Variants in ZNG1F observed in about 807,000 individuals in gnomAD.
ZNG1F encodes Zn regulated GTPase metalloprotein activator 1F.
At chr9:41,152,570 C>T in the ZNG1F span, among the ~76,000 whole-genome samples, 2 of 143,296 alleles carry the variant, frequency 1.4e-5, no homozygotes, top group East Asian at 4.1e-4. Context: ...CACCACACCA[C>T]ACCTATTCCA....
chr9:41,148,747 C>T, the ZNG1F span, among the ~76,000 whole-genome samples: 1 of 134,920 alleles, frequency 7.4e-6, no homozygotes, highest in Non-Finnish European at 1.6e-5. Flanking sequence ...TTTAATTTTT[C>T]CAATTCATAA....
At chr9:41,165,047 C>T in the ZNG1F span, 3 of 1,580,400 alleles carry the variant, frequency 1.9e-6, no homozygotes, top group East Asian at 2.3e-5. Flanking sequence ...GGGACCAAGT[C>T]TGTTTTATTA....
At chr9:41,156,219 C>G in the ZNG1F span, among the ~76,000 whole-genome samples, 4,019 of 112,290 alleles carry the variant, frequency 0.036, 229 homozygotes, top group Admixed American at 0.047. Flanking sequence ...TCCAAACAAC[C>G]AATTAGTAAA....
the ZNG1F span, among the ~76,000 whole-genome samples, chr9:41,183,910 C>A: frequency 6.8e-6 from 1 of 147,590 alleles, no homozygotes; most frequent in African/African-American, 2.5e-5. Context: ...AACATACCTA[C>A]TTCCTCCTTA....
chr9:41,154,547 G>C, the ZNG1F span, among the ~76,000 whole-genome samples: 1,322 of 138,414 alleles, frequency 9.6e-3, 38 homozygotes, highest in African/African-American at 0.031. Context: ...GCATCGCCAA[G>C]TCAATCCTAA....
chr9:41,166,467 T>C, the ZNG1F span, among the ~76,000 whole-genome samples: 3 of 134,432 alleles, frequency 2.2e-5, no homozygotes, highest in African/African-American at 6.2e-5. Context: ...TATATATATA[T>C]ATATATAAAA....
the ZNG1F span, among the ~76,000 whole-genome samples, chr9:41,162,109 TATC>T: frequency 1.6e-4 from 1 of 6,352 alleles, no homozygotes; most frequent in African/African-American, 5.5e-4. Flanking sequence ...TACACAGTGT[TATC>T]ATGGCTTTGT....
chr9:41,194,070 TC>T, the ZNG1F span, among the ~76,000 whole-genome samples: 5 of 127,790 alleles, frequency 3.9e-5, no homozygotes, highest in African/African-American at 2.9e-5. Context: ...TTAATCATCC[TC>T]TCAAAATTGA....
At chr9:41,203,076 T>A in the ZNG1F span, among the ~76,000 whole-genome samples, 1 of 152,252 alleles carries the variant, frequency 6.6e-6, no homozygotes, top group African/African-American at 2.4e-5. Flanking sequence ...AGGTTATATA[T>A]TTTTGGCAGG....
the ZNG1F span, among the ~76,000 whole-genome samples, chr9:41,169,611 T>A: frequency 7.2e-5 from 11 of 151,766 alleles, no homozygotes; most frequent in African/African-American, 2.4e-4. Context: ...GAGATGTTGG[T>A]CAAAGAATAC....
At chr9:41,138,036 G>GT in the ZNG1F span, among the ~76,000 whole-genome samples, 5 of 78,290 alleles carry the variant, frequency 6.4e-5, 1 homozygote, top group East Asian at 3.7e-4. Flanking sequence ...TGTATACCTT[G>GT]TTTTTTTGTT....
At chr9:41,139,864 G>A in the ZNG1F span, among the ~76,000 whole-genome samples, 1 of 151,826 alleles carries the variant, frequency 6.6e-6, no homozygotes, top group African/African-American at 2.4e-5. Flanking sequence ...GCCAGTCACA[G>A]AAGGACAAAT....
At chr9:41,164,674 T>A in the ZNG1F span, 1 of 140,486 alleles carries the variant, frequency 7.1e-6, no homozygotes, top group Non-Finnish European at 1.3e-5. Flanking sequence ...GATGCATCCA[T>A]GGGAAAGTGA....
the ZNG1F span, among the ~76,000 whole-genome samples, chr9:41,144,269 A>G: frequency 5.8e-5 from 2 of 34,436 alleles, 1 homozygote; most frequent in African/African-American, 1.2e-4. Context: ...GTAAGTGAGT[A>G]CTGCGTTTGC....
the ZNG1F span, among the ~76,000 whole-genome samples, chr9:41,183,229 T>TA: frequency 6.1e-5 from 9 of 146,792 alleles, no homozygotes; most frequent in African/African-American, 1.8e-4. Context: ...TTTTTTTTTT[T>TA]ATAAGGTTGA....
At chr9:41,146,544 A>G in the ZNG1F span, among the ~76,000 whole-genome samples, 2 of 24,124 alleles carry the variant, frequency 8.3e-5, 1 homozygote, top group African/African-American at 1.7e-4. Context: ...TATGCTATCA[A>G]AACCTGAAAC....
At chr9:41,144,000 G>A in the ZNG1F span, among the ~76,000 whole-genome samples, 2 of 34,152 alleles carry the variant, frequency 5.9e-5, 1 homozygote, top group Non-Finnish European at 1.9e-4. Context: ...CTGAATTATC[G>A]ATTTTTTTTT....
the ZNG1F span, chr9:41,164,996 T>C: frequency 6.3e-7 from 1 of 1,586,844 alleles, no homozygotes; most frequent in South Asian, 1.1e-5. Context: ...CACATCATTT[T>C]GTACCTAAGT....
the ZNG1F span, among the ~76,000 whole-genome samples, chr9:41,141,099 A>G: frequency 6.6e-6 from 1 of 151,124 alleles, no homozygotes; most frequent in East Asian, 1.9e-4. Context: ...AAGGGGTACA[A>G]TAAACTCCAG....
Sources: gnomAD v4.1 joint callset for allele counts (sites outside exome capture counted in the v4.1 genomes callset) on GRCh38, gnomAD v4.1.1 for gene constraint, MANE v1.5 for transcripts, NCBI Gene and HGNC (gene_info 2026-07-23, HGNC 2026-07-21) for gene names.